The following SLC9B1 variants were observed in gnomAD, a reference collection of about 807,000 sequenced individuals.
SLC9B1 encodes the protein sodium/hydrogen exchanger 9B1.
A neutral mutation model predicts 51.7 loss-of-function variants in SLC9B1; 32 were observed. The observed-to-expected ratio is 0.62, with a 90% CI of 0.47 to 0.83. The LOEUF is 0.83. Ranked by LOEUF, SLC9B1 falls within the 40% of genes least tolerant of loss-of-function variation. The pLI is 0.00. For synonymous variants in SLC9B1, 145 were observed against 212.7 expected, an observed-to-expected ratio of 0.68 and a Z score of 2.77; for missense variants, 406 against 613.2, an observed-to-expected ratio of 0.66 and a Z score of 3.57.
At chr4:102,914,229 G>GTCA (rs551016293) in intron 7 of SLC9B1, among the ~76,000 whole-genome samples, 1 of 34,868 alleles carries the variant, frequency 2.9e-5, no homozygotes, top group African/African-American at 2.1e-4. Context: ...TGGGTGCACT[G>GTCA]GATGAATCAG....
At chr4:102,891,878 TC>T (rs1257049549) in intron 11 of SLC9B1, 77 of 152,280 alleles carry the variant, frequency 5.1e-4, no homozygotes, top group African/African-American at 1.8e-3. Context: ...TCCCTCAACA[TC>T]CGGTTGGCCA....
rs772904099 is a variant in SLC9B1 at position 102,946,801 on chromosome 4, G to T, written c.383-12C>A. 1.3e-6 allele frequency: 2 copies of T among 1,571,114 alleles called. No individual in the cohort carries two copies. Among genetic ancestry groups the T allele is most frequent in the South Asian group, 2.4e-5 (2 of 84,256 alleles). On this transcript the variant is annotated splice_polypyrimidine_tract_variant and intron_variant, in intron 4 of 11. Transcript: ENST00000296422. ...AGCCAGTAACATCCCTTAAAAGAAA[G>T]AAAATAAAGATACATGACAGTTCAT...
chr4:102,900,801 T>C (rs1734748502), downstream of SLC9B1: 1 of 406,214 alleles, frequency 2.5e-6, no homozygotes, highest in African/African-American at 2.1e-5. Context: ...CCATTAAGTT[T>C]GTTTAATTTT....
intron 7 of SLC9B1, 89 bp from the exon 8 acceptor site, chr4:102,911,626 A>G: frequency 1.3e-6 from 1 of 754,472 alleles, no homozygotes; most frequent in South Asian, 1.7e-5. Context: ...TGGTTCATGA[A>G]GAAAAGTAAG....
At chr4:102,996,610 C>G (rs1234914338) in intron 1 of SLC9B1, among the ~76,000 whole-genome samples, 3 of 152,102 alleles carry the variant, frequency 2.0e-5, no homozygotes, top group Non-Finnish European at 4.4e-5. Flanking sequence ...TTTATTTTTC[C>G]CATATCAATA....
intron 9 of SLC9B1, 108 bp downstream of exon 9, chr4:102,910,331 A>T: frequency 1.0e-6 from 1 of 969,218 alleles, no homozygotes; most frequent in East Asian, 3.4e-5. Flanking sequence ...TCTTGAGGAC[A>T]GAAAACCTTT....
chr4:102,971,946 T>C (rs1016924196), intron 3 of SLC9B1, among the ~76,000 whole-genome samples: 1 of 151,968 alleles, frequency 6.6e-6, no homozygotes, highest in Non-Finnish European at 1.5e-5. Context: ...CAGGAAGAAG[T>C]TGAATCCCTG....
At position 102,904,932 on chromosome 4, in the gene SLC9B1, C is replaced by T. The variant is rs55756342; in HGVS notation, c.1332+582G>A. 1.5e-3 allele frequency among the ~76,000 whole-genome samples: 219 copies of T among 150,980 alleles called. 2 individuals carry two copies. The highest frequency in any genetic ancestry group is 5.2e-3 in the African/African-American group (215 of 41,082). On this transcript the variant is annotated intron_variant, in intron 11 of 11. Coordinates refer to ENST00000296422, the MANE Select transcript of SLC9B1 (RefSeq NM_139173.4). The stretch of plus-strand genomic sequence containing the variant: ...CTGGGAGGTGGAGGTTGCAGTGAGC[C>T]GAGATCATGCCACTGCACTCCAGCC...
At chr4:102,948,646 A>G (rs1229512989) in intron 4 of SLC9B1, among the ~76,000 whole-genome samples, 3 of 152,228 alleles carry the variant, frequency 2.0e-5, no homozygotes, top group African/African-American at 7.2e-5. Flanking sequence ...AAAAAGAATG[A>G]CATCATGTCC....
At chr4:102,956,060 G>A (rs1225129322) in intron 3 of SLC9B1, among the ~76,000 whole-genome samples, 1 of 152,138 alleles carries the variant, frequency 6.6e-6, no homozygotes, top group Non-Finnish European at 1.5e-5. Flanking sequence ...TCTGGTACAT[G>A]TGAAGGACAG....
chr4:102,942,709 G>A (rs200481769), intron 6 of SLC9B1, among the ~76,000 whole-genome samples: 1 of 152,082 alleles, frequency 6.6e-6, no homozygotes, highest in Non-Finnish European at 1.5e-5. Context: ...TCTAACACCT[G>A]AAACTATAAA....
intron 7 of SLC9B1, among the ~76,000 whole-genome samples, chr4:102,922,383 C>T (rs573608321): frequency 6.6e-6 from 1 of 152,200 alleles, no homozygotes; most frequent in East Asian, 1.9e-4. Context: ...GCACAATGTA[C>T]CAGAATCTCT....
chr4:102,936,110 C>A (rs1357804208), intron 6 of SLC9B1, among the ~76,000 whole-genome samples: 3 of 152,166 alleles, frequency 2.0e-5, no homozygotes, highest in Non-Finnish European at 4.4e-5. Flanking sequence ...ATGGTACCAG[C>A]CCTGCAAAGT....
At chr4:102,908,434 A>G (rs554381558) in intron 9 of SLC9B1, among the ~76,000 whole-genome samples, 74 of 152,402 alleles carry the variant, frequency 4.9e-4, no homozygotes, top group African/African-American at 1.7e-3. Flanking sequence ...ATGTAGTTCT[A>G]TCTCTGTTCA....
intron 7 of SLC9B1, among the ~76,000 whole-genome samples, chr4:102,913,796 T>TAAAAAAAAAAAAAAAAAAA (rs61244946): frequency 1.1e-4 from 8 of 71,436 alleles, no homozygotes; most frequent in East Asian, 4.4e-4. Context: ...AGATAGAAAC[T>TAAAAAAAAAAAAAAAAAAA]AAAAAAAAAA....
At chr4:102,973,176 TA>T (rs1244519099) in intron 3 of SLC9B1, among the ~76,000 whole-genome samples, 6 of 152,078 alleles carry the variant, frequency 3.9e-5, no homozygotes, top group Admixed American at 6.5e-5. Flanking sequence ...AAGACTGGAT[TA>T]AAAACATGAA....
Position 102,906,549 on chromosome 4 carries a change from T to C in SLC9B1, c.1182A>G (p.Glu394=). 1 of 1,540,694 alleles carries C rather than the reference T, an allele frequency of 6.5e-7. No individual in the cohort carries two copies. Among genetic ancestry groups the C allele is most frequent in the Non-Finnish European group, 8.8e-7 (1 of 1,137,040 alleles). ...AATTATTCTTACCAACAATATTTGATTCAAGCGATGAAACAGATACTTCTG... is the reference window on the plus strand; with the variant it reads ...AATTATTCTTACCAACAATATTTGACTCAAGCGATGAAACAGATACTTCTG... The part of the protein sequence containing the change: ...VGAEVSVSSL[E]SNIVGISVAT... The change falls in exon 10 of 12, where the codon GAA becomes GAG. Residue 394 remains glutamate (E), a synonymous_variant. Transcript: ENST00000296422.
At chr4:102,968,690 T>C (rs1738564674) in intron 3 of SLC9B1, among the ~76,000 whole-genome samples, 1 of 152,166 alleles carries the variant, frequency 6.6e-6, no homozygotes, top group African/African-American at 2.4e-5. Flanking sequence ...GGACAGTGGG[T>C]GCAGCCCACA....
intron 7 of SLC9B1, among the ~76,000 whole-genome samples, chr4:102,918,270 G>T (rs1735689832): frequency 6.6e-6 from 1 of 152,052 alleles, no homozygotes; most frequent in Admixed American, 6.6e-5. Flanking sequence ...AGTCTACTAT[G>T]AATGATTATA....
Sources: allele counts gnomAD v4.1 joint callset (sites outside exome capture counted in the v4.1 genomes callset), GRCh38; gene constraint gnomAD v4.1.1; transcripts MANE v1.5; gene names NCBI Gene and HGNC (gene_info 2026-07-23, HGNC 2026-07-21).